The following ATIC variants were observed in gnomAD, a reference collection of about 807,000 sequenced individuals.
ATIC encodes the protein 5-aminoimidazole-4-carboxamide ribonucleotide formyltransferase/IMP cyclohydrolase, also known as bifunctional purine biosynthesis protein ATIC.
ATIC carries 64 observed loss-of-function variants against 72.5 expected under a neutral mutation model. The ratio of observed to expected loss-of-function variants is 0.88; its 90% CI spans 0.72 to 1.09. The LOEUF is 1.09. Ranked by LOEUF, ATIC falls within the 50% of genes least tolerant of loss-of-function variation. ATIC has a pLI of 0.00. For synonymous variants in ATIC, 281 were observed against 267.1 expected (o/e 1.05, Z -0.51); for missense variants, 787 against 732.4 (o/e 1.07, Z -0.86).
At chr2:215,342,074 A>G (rs1241253760) in intron 12 of ATIC, among the ~76,000 whole-genome samples, 1 of 152,180 alleles carries the variant, frequency 6.6e-6, no homozygotes, top group African/African-American at 2.4e-5. Context: ...AACTGCCCCC[A>G]TGATCCAGTT....
chr2:215,333,327 T>C (rs2052916273), intron 8 of ATIC, 23 bp from the exon 9 acceptor site: 1 of 1,604,186 alleles, frequency 6.2e-7, no homozygotes, highest in Non-Finnish European at 8.5e-7. Flanking sequence ...TCTTTGTTTA[T>C]GATTTTACTA....
chr2:215,362,230 G>A, the ATIC span: 3,856 of 681,654 alleles, frequency 5.7e-3, 76 homozygotes, highest in African/African-American at 0.052. Context: ...ATGATTTCAT[G>A]CATTTATAAC....
intron 12 of ATIC, 76 bp from the exon 13 acceptor site, chr2:215,344,703 A>C: frequency 7.1e-7 from 1 of 1,406,010 alleles, no homozygotes; most frequent in Non-Finnish European, 9.9e-7. Flanking sequence ...ACAAAAAATA[A>C]TATTTAAAAA....
chr2:215,350,429 G>A (rs1163604515), downstream of ATIC, among the ~76,000 whole-genome samples: 1 of 152,106 alleles, frequency 6.6e-6, no homozygotes, highest in Non-Finnish European at 1.5e-5. Context: ...CACCGTGCCC[G>A]GCCCTCATGC....
At chr2:215,333,541 G>GAA in intron 9 of ATIC, 84 bp downstream of exon 9, 1 of 1,021,466 alleles carries the variant, frequency 9.8e-7, no homozygotes, top group East Asian at 2.6e-5. Context: ...ATAGAATAAA[G>GAA]AAAAAATATA....
chr2:215,345,078 G>A (rs1280962350), intron 13 of ATIC: 1 of 624,482 alleles, frequency 1.6e-6, no homozygotes, highest in East Asian at 2.9e-5. Context: ...GGTACTCAAA[G>A]TAGTTGTGCT....
chr2:215,322,254 T>C (rs1442334546), intron 4 of ATIC, among the ~76,000 whole-genome samples: 6 of 152,046 alleles, frequency 3.9e-5, no homozygotes, highest in African/African-American at 1.2e-4. Flanking sequence ...CTTTTGTTGC[T>C]TGTGTTAATG....
chr2:215,368,414 C>T, the ATIC span, among the ~76,000 whole-genome samples: 1 of 152,130 alleles, frequency 6.6e-6, no homozygotes, highest in Non-Finnish European at 1.5e-5. Context: ...TATTTAATAC[C>T]ACTCTGCCTT....
chr2:215,329,247 C>G (rs2052863801), intron 7 of ATIC, among the ~76,000 whole-genome samples: 1 of 152,106 alleles, frequency 6.6e-6, no homozygotes. Context: ...GATTCTGAGA[C>G]AAAAAAATCC....
chr2:215,316,602 A>G (rs1250148922), intron 2 of ATIC, among the ~76,000 whole-genome samples: 1 of 152,204 alleles, frequency 6.6e-6, no homozygotes, highest in Non-Finnish European at 1.5e-5. Flanking sequence ...ATTGTAGAAA[A>G]TTCGAAAATA....
intron 14 of ATIC, chr2:215,347,471 G>A (rs1276944174): frequency 7.3e-6 from 3 of 412,064 alleles, no homozygotes; most frequent in African/African-American, 2.1e-5. Context: ...GCAAACGTTA[G>A]GTAGGTAGCC....
At chr2:215,344,752 C>T (rs2053054726) in intron 12 of ATIC, 27 bp from the exon 13 acceptor site, 5 of 1,599,508 alleles carry the variant, frequency 3.1e-6, no homozygotes, top group Non-Finnish European at 4.3e-6. Flanking sequence ...AGGCCCCATG[C>T]AATTTACCAT....
chr2:215,352,915 C>T (rs767935146), downstream of ATIC, among the ~76,000 whole-genome samples: 3 of 152,112 alleles, frequency 2.0e-5, no homozygotes, highest in Non-Finnish European at 4.4e-5. Context: ...CCTGTGATGT[C>T]GTTTAATTTG....
rs369031229 is a variant in ATIC, at chr2:215,341,981, A to G, written c.1228-2798A>G. Reference sequence around the variant, plus strand: ...TCTTCAGAGGGCGGCAGGAGAGGGAATGAGTGCAAGCGAGAGAAATGCCAG... The same window carrying G: ...TCTTCAGAGGGCGGCAGGAGAGGGAGTGAGTGCAAGCGAGAGAAATGCCAG... On this transcript the variant is annotated intron_variant, in intron 12 of 15. Coordinates refer to ENST00000236959, the MANE Select transcript of ATIC (RefSeq NM_004044.7). Among the ~76,000 whole-genome samples the G allele has an allele frequency of 4.6e-5, 7 of 152,150 alleles. No homozygotes were observed. The East Asian group carries it at 1.2e-3, about 25-fold the overall frequency.
intron 4 of ATIC, among the ~76,000 whole-genome samples, chr2:215,321,736 T>C (rs543474965): frequency 2.4e-4 from 36 of 152,352 alleles, no homozygotes; most frequent in African/African-American, 7.7e-4. Flanking sequence ...TGGAACACCG[T>C]TGGATGTGCT....
At position 215,318,659 on chromosome 2, in the gene ATIC, G is replaced by A. The variant is rs186900468; in HGVS notation, c.223+426G>A. On this transcript the variant is annotated intron_variant, in intron 3 of 15. Transcript: ENST00000236959. ...CCTAAGAATGAATTGTATATAAACC[G>A]AAACGGCAAGAAACTGGTATCCTCC... Among the ~76,000 whole-genome samples, 383 of 152,060 alleles carry A rather than the reference G, an allele frequency of 2.5e-3. 1 individual carries two copies. The highest frequency in any genetic ancestry group is 4.5e-3 in the Non-Finnish European group (309 of 68,004).
At chr2:215,336,348 C>G (rs910081612) in intron 11 of ATIC, among the ~76,000 whole-genome samples, 1 of 151,846 alleles carries the variant, frequency 6.6e-6, no homozygotes, top group Non-Finnish European at 1.5e-5. Context: ...ATGGCTCATG[C>G]CTATAATTTC....
At chr2:215,350,776 G>A (rs1218530614), downstream of ATIC, among the ~76,000 whole-genome samples, 3 of 152,178 alleles carry the variant, frequency 2.0e-5, no homozygotes, top group Admixed American at 2.0e-4. Flanking sequence ...GCATCTGTGT[G>A]TCCTGCCTGT....
chr2:215,368,011 G>A, the ATIC span: 1 of 1,614,134 alleles, frequency 6.2e-7, no homozygotes. Context: ...CCGTAGGTTG[G>A]TTCAAGCCTT....
Sources: gnomAD v4.1 joint callset for allele counts (sites outside exome capture counted in the v4.1 genomes callset) on GRCh38, gnomAD v4.1.1 for gene constraint, MANE v1.5 for transcripts, NCBI Gene and HGNC (gene_info 2026-07-23, HGNC 2026-07-21) for gene names.